Variants in CNNM3 observed in about 807,000 individuals in gnomAD.
The protein encoded by CNNM3 is cyclin and CBS domain divalent metal cation transport mediator 3.
CNNM3 carries 47 observed loss-of-function variants against 57.1 expected under a neutral mutation model. The ratio of observed to expected loss-of-function variants is 0.82; its 90% CI spans 0.65 to 1.05. CNNM3 has a LOEUF of 1.05. CNNM3 is among the 50% of genes least tolerant of loss of function. The pLI is 0.00. For synonymous variants in CNNM3, 507 were observed against 478.2 expected (o/e 1.06, Z -0.79); for missense variants, 957 against 973.7 (o/e 0.98, Z 0.23).
intron 3 of CNNM3, 96 bp from the exon 4 acceptor site, chr2:96,827,635 T>C (rs1045883645): frequency 7.7e-7 from 1 of 1,294,794 alleles, no homozygotes; most frequent in Non-Finnish European, 1.1e-6. Flanking sequence ...AGATCCCTGG[T>C]GGGCACAATA....
At chr2:96,835,756 C>T (rs1016530310), downstream of CNNM3, among the ~76,000 whole-genome samples, 4 of 152,146 alleles carry the variant, frequency 2.6e-5, no homozygotes, top group Non-Finnish European at 4.4e-5. Context: ...CGTGAGCCAC[C>T]GCACCTGGCC....
At chr2:96,817,751 C>CG (rs1491415073) in intron 1 of CNNM3, among the ~76,000 whole-genome samples, 1 of 86,674 alleles carries the variant, frequency 1.2e-5, no homozygotes, top group Non-Finnish European at 2.0e-5. Context: ...GTCAGGATAG[C>CG]CCCCCCCCCC....
intron 5 of CNNM3, 34 bp downstream of exon 5, chr2:96,828,229 G>A (rs1260820049): frequency 6.4e-7 from 1 of 1,553,482 alleles, no homozygotes; most frequent in Admixed American, 1.7e-5. Context: ...TGAGGGCCAG[G>A]GTGGAGGCTG....
rs760080847 is a variant in CNNM3 at position 96,829,370 on chromosome 2, G to A, written c.2059+236G>A. The A allele has an allele frequency of 8.7e-5, 30 of 344,220 alleles. 1 individual carries two copies. The highest frequency in any genetic ancestry group is 2.4e-4 in the South Asian group (2 of 8,508). 21.3% of individuals were successfully genotyped at this position (344,220 alleles called of 1,614,324 possible). On this transcript the variant is annotated intron_variant, in intron 7 of 7. Coordinates refer to ENST00000305510, the MANE Select transcript of CNNM3 (RefSeq NM_017623.5). The stretch of plus-strand genomic sequence containing the variant: ...GGCTGGAGTACAATGGTGTGATCTC[G>A]GCTCACTGCAACCTCCGGCTCCTGG...
intron 1 of CNNM3, 45 bp from the exon 2 acceptor site, chr2:96,825,013 G>A (rs745917156): frequency 2.5e-6 from 4 of 1,598,682 alleles, no homozygotes; most frequent in African/African-American, 1.3e-5. Context: ...GAATCAAACT[G>A]GGGGGGGCCC....
In CNNM3 at chr2:96,834,846, TTTC is replaced by T. The variant is rs2079665155; in HGVS notation, c.*2233_*2235del. On this transcript the variant is annotated 3_prime_UTR_variant, in exon 8 of 8. Coordinates refer to ENST00000305510, the MANE Select transcript of CNNM3 (RefSeq NM_017623.5). ...GCCATACTGCACTTAGAGCTGTTGC[TTTC>T]TTTTTTCCTAACTTTATATTTTGAA... 6.6e-6 allele frequency among the ~76,000 whole-genome samples: 1 copy of T among 152,228 alleles called. No individual in the cohort carries two copies. Among genetic ancestry groups the T allele is most frequent in the Non-Finnish European group, 1.5e-5 (1 of 68,034 alleles).
At chr2:96,828,444 C>A in intron 5 of CNNM3, 123 bp from the exon 6 acceptor site, 3 of 1,247,238 alleles carry the variant, frequency 2.4e-6, no homozygotes, top group Admixed American at 2.1e-5. Flanking sequence ...GCTTCCCATG[C>A]ACATTGCCTC....
intron 3 of CNNM3, 40 bp from the exon 4 acceptor site, chr2:96,827,691 G>A: frequency 6.3e-7 from 1 of 1,588,292 alleles, no homozygotes; most frequent in Non-Finnish European, 8.6e-7. Context: ...CTGGCCACTA[G>A]GCCCCAGTGG....
chr2:96,826,262 G>C (rs2079502556), intron 2 of CNNM3, among the ~76,000 whole-genome samples: 1 of 151,950 alleles, frequency 6.6e-6, no homozygotes, highest in Non-Finnish European at 1.5e-5. Flanking sequence ...ATCCAGGCTG[G>C]AGTACAGTGG....
intron 1 of CNNM3, among the ~76,000 whole-genome samples, chr2:96,821,252 C>T (rs764619847): frequency 3.3e-5 from 5 of 152,086 alleles, no homozygotes; most frequent in Non-Finnish European, 5.9e-5. Flanking sequence ...TTATTTTTTC[C>T]GTGTTAAAGT....
Position 96,817,159 on chromosome 2 carries a change from G to A in CNNM3, c.882G>A (p.Ala294=). ...GRLRERVLEL[A]RGGGDPYSDL... is the part of the protein sequence containing the mutation. ...TGCGGGAGCGGGTGCTGGAGCTGGC[G>A]CGCGGCGGCGGCGACCCCTACAGCG... The change falls in exon 1 of 8, where the codon GCG becomes GCA. Residue 294 remains alanine, a synonymous_variant. Coordinates refer to ENST00000305510, the MANE Select transcript of CNNM3 (RefSeq NM_017623.5). 1 of 1,427,352 alleles carries A rather than the reference G, an allele frequency of 7.0e-7. No homozygotes were observed. Among genetic ancestry groups the A allele is most frequent in the South Asian group, 1.6e-5 (1 of 63,464 alleles). The allele number at this position is 1,427,352 out of a possible 1,614,324, so 88.4% of individuals were successfully genotyped here.
intron 6 of CNNM3, 58 bp from the exon 7 acceptor site, chr2:96,828,938 G>T: frequency 6.2e-7 from 1 of 1,600,014 alleles, no homozygotes; most frequent in Non-Finnish European, 8.6e-7. Context: ...CACCTTTCCT[G>T]CCTACCTTCT....
chr2:96,832,655 G>A lies in CNNM3; in HGVS notation c.*39G>A. Reference sequence around the variant, plus strand: ...AGCCCCAGATCTGGGGAACAGATGAGCACGTGGGGAGCTGGAGTGAGCTGA... The same window carrying A: ...AGCCCCAGATCTGGGGAACAGATGAACACGTGGGGAGCTGGAGTGAGCTGA... On this transcript the variant is annotated 3_prime_UTR_variant, in exon 8 of 8. Transcript: ENST00000305510. The A allele has an allele frequency of 6.2e-7, 1 of 1,610,302 alleles. No homozygotes were observed. Among genetic ancestry groups the A allele is most frequent in the Non-Finnish European group, 8.5e-7 (1 of 1,179,888 alleles).
chr2:96,829,340 GC>G, intron 7 of CNNM3: 4 of 550,830 alleles, frequency 7.3e-6, no homozygotes, highest in African/African-American at 2.2e-5. Context: ...TTGCTCTGTT[GC>G]CCAGGCTGGA....
chr2:96,836,231 C>T (rs528087574), downstream of CNNM3, among the ~76,000 whole-genome samples: 37 of 149,552 alleles, frequency 2.5e-4, no homozygotes, highest in South Asian at 6.9e-3. Flanking sequence ...TATCACCACA[C>T]CCAGCTAATT....
chr2:96,819,160 A>C (rs1314590615), intron 1 of CNNM3, among the ~76,000 whole-genome samples: 1 of 152,150 alleles, frequency 6.6e-6, no homozygotes, highest in African/African-American at 2.4e-5. Context: ...GAACATGGCC[A>C]TGCCACCCTG....
At position 96,832,698 on chromosome 2, in the gene CNNM3, G is replaced by A. The variant is rs549841612; in HGVS notation, c.*82G>A. The A allele has an allele frequency of 3.9e-5, 62 of 1,593,424 alleles. No individual in the cohort carries two copies. The East Asian group carries it at 6.3e-4, about 16-fold the overall frequency. ...TGAGCTGAGCAGAAGTTTTGTGCCC[G>A]CCTGCCCCCATCCCCTCCAGGCCAC... On this transcript the variant is annotated 3_prime_UTR_variant, in exon 8 of 8. Transcript: ENST00000305510.
rs766512708 is a variant in CNNM3 at position 96,828,597 on chromosome 2, C to T, written c.1817C>T (p.Pro606Leu). The T allele has an allele frequency of 1.4e-5, 22 of 1,614,070 alleles. 1 individual carries two copies. The South Asian group carries it at 2.4e-4, about 18-fold the overall frequency. Residue 606 changes from proline (P) to leucine (L), a missense_variant, in exon 6 of 8, where the codon CCC becomes CTC. This residue lies in a region of CNNM3 where 491 missense variants were observed against 570.6 expected (regional missense o/e 0.86). Transcript: ENST00000305510. Reference sequence around the variant, plus strand: ...CAGTCCCCGGTGTCCTCGCTCCAGCCCATCCGCCATGACCTGCAGCCCGAC... The same window carrying T: ...CAGTCCCCGGTGTCCTCGCTCCAGCTCATCCGCCATGACCTGCAGCCCGAC... ...VHQSPVSSLQ[P>L]IRHDLQPDPG...
At position 96,834,549 on chromosome 2, in the gene CNNM3, A is replaced by T. The variant is rs184231413; in HGVS notation, c.*1933A>T. Among the ~76,000 whole-genome samples, 24 of 151,690 alleles carry T rather than the reference A, an allele frequency of 1.6e-4. No homozygotes were observed. The highest frequency in any genetic ancestry group is 5.6e-4 in the African/African-American group (23 of 41,314). Reference sequence around the variant, plus strand: ...TTTTTTGTAGAGATAGGGTCTCATTATGTTGCCTGGGGTAGTCTCGAACTC... The same window carrying T: ...TTTTTTGTAGAGATAGGGTCTCATTTTGTTGCCTGGGGTAGTCTCGAACTC... On this transcript the variant is annotated 3_prime_UTR_variant, in exon 8 of 8. Coordinates refer to ENST00000305510, the MANE Select transcript of CNNM3 (RefSeq NM_017623.5).
Sources: allele counts gnomAD v4.1 joint callset (sites outside exome capture counted in the v4.1 genomes callset), GRCh38; gene constraint gnomAD v4.1.1; regional missense constraint gnomAD v4.1.1; transcripts MANE v1.5; gene names NCBI Gene and HGNC (gene_info 2026-07-23, HGNC 2026-07-21).